Variants in TSC22D1 observed in about 807,000 individuals in gnomAD.
TSC22D1 encodes TSC22 domain family protein 1.
TSC22D1 carries 9 observed loss-of-function variants against 74.2 expected under a neutral mutation model. The ratio of observed to expected loss-of-function variants is 0.12; its 90% CI spans 0.07 to 0.21. TSC22D1 has a LOEUF of 0.21. Ranked by LOEUF, TSC22D1 falls within the 10% of genes least tolerant of loss-of-function variation. The pLI, the probability that TSC22D1 is intolerant of heterozygous loss-of-function variation, is 1.00. For missense variants in TSC22D1, 1,427 were observed against 1,304.7 expected, an observed-to-expected ratio of 1.09 and a Z score of -1.44; for synonymous variants, 586 against 492.5, an observed-to-expected ratio of 1.19 and a Z score of -2.51.
intron 1 of TSC22D1, chr13:44,537,213 A>G (rs1471954275): frequency 1.1e-6 from 1 of 892,042 alleles, no homozygotes; most frequent in African/African-American, 1.8e-5. Context: ...ATAAACACTG[A>G]AAAATATAGG....
At chr13:44,456,361 G>C (rs925494148) in intron 1 of TSC22D1, among the ~76,000 whole-genome samples, 4 of 152,132 alleles carry the variant, frequency 2.6e-5, no homozygotes, top group Admixed American at 2.6e-4. Context: ...CCATTTTACA[G>C]AGTACCGATT....
intron 1 of TSC22D1, among the ~76,000 whole-genome samples, chr13:44,570,333 G>C (rs1883675386): frequency 6.6e-6 from 1 of 151,900 alleles, no homozygotes; most frequent in Non-Finnish European, 1.5e-5. Flanking sequence ...TGGAACTACA[G>C]GCATGCGCCA....
chr13:44,563,661 C>T (rs2138207557), intron 1 of TSC22D1, among the ~76,000 whole-genome samples: 1 of 152,282 alleles, frequency 6.6e-6, no homozygotes, highest in African/African-American at 2.4e-5. Flanking sequence ...CACCCTAAAA[C>T]TTGTGAAAAG....
intron 1 of TSC22D1, among the ~76,000 whole-genome samples, chr13:44,500,323 T>TAC (rs1879169632): frequency 6.6e-6 from 1 of 152,166 alleles, no homozygotes; most frequent in South Asian, 2.1e-4. Context: ...AAACCTCATA[T>TAC]ACACACTTGG....
At chr13:44,444,688 T>A (rs936112126) in intron 1 of TSC22D1, among the ~76,000 whole-genome samples, 1 of 151,944 alleles carries the variant, frequency 6.6e-6, no homozygotes, top group Admixed American at 6.6e-5. Flanking sequence ...GGGGAAAAAA[T>A]ACACACGTCT....
intron 1 of TSC22D1, among the ~76,000 whole-genome samples, chr13:44,525,898 T>C (rs1475481782): frequency 1.3e-5 from 2 of 151,930 alleles, no homozygotes; most frequent in Non-Finnish European, 2.9e-5. Flanking sequence ...TCTCAGGAGT[T>C]TGAACCTAGT....
At chr13:44,546,742 T>C (rs532988920) in intron 1 of TSC22D1, among the ~76,000 whole-genome samples, 82 of 85,210 alleles carry the variant, frequency 9.6e-4, no homozygotes, top group Admixed American at 2.3e-3. Flanking sequence ...GAATTCTGTG[T>C]GAAATACGTG....
At chr13:44,552,365 C>A (rs1301603524) in intron 1 of TSC22D1, among the ~76,000 whole-genome samples, 1 of 152,162 alleles carries the variant, frequency 6.6e-6, no homozygotes, top group East Asian at 1.9e-4. Flanking sequence ...GAACAGAGAA[C>A]ATAAAGCTAG....
chr13:44,529,489 T>C (rs1880719543), intron 1 of TSC22D1, among the ~76,000 whole-genome samples: 1 of 152,110 alleles, frequency 6.6e-6, no homozygotes, highest in Non-Finnish European at 1.5e-5. Context: ...AGAAATGTCT[T>C]TCTTGTTGGT....
chr13:44,517,544 C>T (rs1169779635), intron 1 of TSC22D1, among the ~76,000 whole-genome samples: 1 of 151,640 alleles, frequency 6.6e-6, no homozygotes, highest in African/African-American at 2.4e-5. Flanking sequence ...AAAACCTGAG[C>T]ATTTTGAAGT....
intron 1 of TSC22D1, among the ~76,000 whole-genome samples, chr13:44,517,829 G>GTGTGTATATATA (rs1271183064): frequency 3.5e-4 from 5 of 14,122 alleles, no homozygotes; most frequent in East Asian, 3.0e-3. Context: ...GTGTGTGTGT[G>GTGTGTATATATA]TATATATATA....
intron 2 of TSC22D1, chr13:44,435,787 G>A: frequency 1.9e-6 from 1 of 533,592 alleles, no homozygotes; most frequent in Non-Finnish European, 3.3e-6. Context: ...CAGCAAAAAG[G>A]GTCACCGTGA....
intron 1 of TSC22D1, among the ~76,000 whole-genome samples, chr13:44,480,753 A>T (rs1173068692): frequency 3.3e-5 from 5 of 152,218 alleles, no homozygotes; most frequent in Non-Finnish European, 5.9e-5. Context: ...GACAGGGGTT[A>T]GGAGACACTT....
chr13:44,467,038 C>T (rs1379475726), intron 1 of TSC22D1, among the ~76,000 whole-genome samples: 1 of 151,970 alleles, frequency 6.6e-6, no homozygotes, highest in Non-Finnish European at 1.5e-5. Context: ...TGGTGCACAC[C>T]TGTAGTCCCA....
chr13:44,504,889 G>A (rs556589983), intron 1 of TSC22D1, among the ~76,000 whole-genome samples: 9 of 152,222 alleles, frequency 5.9e-5, no homozygotes, highest in African/African-American at 2.2e-4. Flanking sequence ...GCATACATAA[G>A]CTAAAAATCC....
intron 1 of TSC22D1, among the ~76,000 whole-genome samples, chr13:44,512,412 G>A (rs1340870192): frequency 6.6e-5 from 10 of 151,684 alleles, no homozygotes; most frequent in South Asian, 2.1e-4. Context: ...CTCGTGATCC[G>A]CCCGCCTCGG....
At chr13:44,451,143 C>G (rs910877174) in intron 1 of TSC22D1, among the ~76,000 whole-genome samples, 2 of 152,232 alleles carry the variant, frequency 1.3e-5, no homozygotes, top group African/African-American at 4.8e-5. Flanking sequence ...AAAGAGCCAG[C>G]AACTGCGTCC....
In TSC22D1 at chr13:44,573,867, T is replaced by A; in HGVS notation, c.2208A>T (p.Ala736=). ...GSQIANIGQQ[A]NIPTAVQQPS... is the part of the protein sequence containing the mutation. ...GCTGCTGCACTGCAGTAGGTATGTT[T>A]GCTTGCTGACCAATATTTGCAATCT... Residue 736 remains alanine (A), a synonymous_variant, in exon 1 of 3, where the codon GCA becomes GCT. Transcript: ENST00000458659. The A allele has an allele frequency of 6.2e-7, 1 of 1,614,208 alleles. No homozygotes were observed. Among genetic ancestry groups the A allele is most frequent in the Non-Finnish European group, 8.5e-7 (1 of 1,180,024 alleles).
intron 1 of TSC22D1, among the ~76,000 whole-genome samples, chr13:44,527,354 G>A (rs1214450648): frequency 6.6e-6 from 1 of 151,876 alleles, no homozygotes; most frequent in African/African-American, 2.4e-5. Context: ...ATAATTTATG[G>A]AAAAGCAAAA....
Sources: gnomAD v4.1 joint callset for allele counts (sites outside exome capture counted in the v4.1 genomes callset) on GRCh38, gnomAD v4.1.1 for gene constraint, MANE v1.5 for transcripts, NCBI Gene and HGNC (gene_info 2026-07-23, HGNC 2026-07-21) for gene names.